TRAPPC6B: variants seen among roughly 807,000 people sequenced by gnomAD.
The protein encoded by TRAPPC6B is trafficking protein particle complex subunit 6B.
A neutral mutation model predicts 24.7 loss-of-function variants in TRAPPC6B; 27 were observed. The ratio of observed to expected loss-of-function variants is 1.09; its 90% confidence interval spans 0.81 to 1.51. The LOEUF (loss-of-function observed/expected upper bound fraction) is 1.51, where lower values mean the gene tolerates loss of function less well. TRAPPC6B is among the 40% of genes most tolerant of loss of function. The pLI is 0.00. For missense variants in TRAPPC6B, 212 were observed against 190.8 expected, an observed-to-expected ratio of 1.11 and a Z score of -0.66; for synonymous variants, 80 against 66.6, an observed-to-expected ratio of 1.20 and a Z score of -0.98.
chr14:39,153,407 C>CA (rs1268913693), intron 4 of TRAPPC6B, among the ~76,000 whole-genome samples: 1 of 151,626 alleles, frequency 6.6e-6, no homozygotes, highest in Non-Finnish European at 1.5e-5. Flanking sequence ...GTGAGGTGAT[C>CA]ACTTGAGCCC....
chr14:39,163,366 A>G (rs8021225), intron 1 of TRAPPC6B, among the ~76,000 whole-genome samples: 131,232 of 142,364 alleles, frequency 0.92, 60,762 homozygotes, highest in East Asian at 0.95. Context: ...GCGAGACTTC[A>G]TCACCAGAAA....
intron 4 of TRAPPC6B, 94 bp downstream of exon 4, chr14:39,154,117 T>C (rs2052948230): frequency 4.0e-6 from 3 of 755,662 alleles, no homozygotes; most frequent in African/African-American, 1.8e-5. Context: ...CCTTAAAACA[T>C]ATTTTTAATT....
Position 39,158,403 on chromosome 14 carries a change from C to CTAAAAAGATCAACT in TRAPPC6B, c.150-15_150-2dup, listed in dbSNP as rs1319190804. 6.6e-7 allele frequency: 1 copy of CTAAAAAGATCAACT among 1,517,798 alleles called. No individual in the cohort carries two copies. The highest frequency in any genetic ancestry group is 1.2e-5 in the South Asian group (1 of 83,536). The allele number at this position is 1,517,798 out of a possible 1,614,324, so 94.0% of individuals were successfully genotyped here. A position where few individuals can be genotyped will look rare whatever the true frequency, so the allele number is the denominator to read the frequency against. On this transcript the variant is annotated splice_acceptor_variant, in intron 2 of 5. Coordinates refer to ENST00000330149, the MANE Select transcript of TRAPPC6B (RefSeq NM_001079537.2). LOFTEE classifies it high-confidence loss of function. The stretch of plus-strand genomic sequence containing the variant: ...GAACCTTGCAGTATCTTTTGTAAAC[C>CTAAAAAGATCAACT]TAAAAAGATCAACTAGAAGTAATAC...
intron 3 of TRAPPC6B, chr14:39,157,399 C>A (rs951859132): frequency 3.0e-5 from 10 of 333,686 alleles, no homozygotes; most frequent in Non-Finnish European, 4.6e-5. Flanking sequence ...TAAGCAGAGG[C>A]TATTGGCCCG....
In TRAPPC6B at chr14:39,157,123, A is replaced by AAG. The variant is rs1566547615; in HGVS notation, c.267+1161_267+1162insCT. The AAG allele has an allele frequency of 3.6e-3, 464 of 129,942 alleles. 1 individual carries two copies. The highest frequency in any genetic ancestry group is 0.022 in the Middle Eastern group (8 of 372). The allele number at this position is 129,942 out of a possible 1,614,324, so 8.0% of individuals were successfully genotyped here. A position where few individuals can be genotyped will look rare whatever the true frequency, so the allele number is the denominator to read the frequency against. On this transcript the variant is annotated intron_variant, in intron 3 of 5. Transcript: ENST00000330149. Reference sequence around the variant, plus strand: ...CTCCATCTCAAAAAAAAAAAAAAAAAAAAGAAAGAAAGAAAGTGGTGAATC... The same window carrying AAG: ...CTCCATCTCAAAAAAAAAAAAAAAAAAGAAAGAAAGAAAGAAAGTGGTGAATC...
chr14:39,156,397 C>T (rs1410702544), intron 3 of TRAPPC6B, among the ~76,000 whole-genome samples: 2 of 152,032 alleles, frequency 1.3e-5, no homozygotes, highest in Non-Finnish European at 2.9e-5. Context: ...ATCAAAATTC[C>T]AAATCTACTC....
intron 1 of TRAPPC6B, among the ~76,000 whole-genome samples, chr14:39,167,855 T>C (rs2053123610): frequency 6.7e-6 from 1 of 149,728 alleles, no homozygotes; most frequent in Non-Finnish European, 1.5e-5. Context: ...TCATTTTATT[T>C]AGGATTAACC....
chr14:39,157,702 T>C (rs1456860368), intron 3 of TRAPPC6B: 3 of 223,356 alleles, frequency 1.3e-5, no homozygotes, highest in Admixed American at 5.3e-5. Flanking sequence ...CAATGGAGCT[T>C]AGGTTCAGCT....
chr14:39,166,856 C>T (rs2053113489), intron 1 of TRAPPC6B, among the ~76,000 whole-genome samples: 1 of 152,134 alleles, frequency 6.6e-6, no homozygotes, highest in African/African-American at 2.4e-5. Flanking sequence ...GCACCCATTC[C>T]CCAGCCCCCA....
intron 3 of TRAPPC6B, chr14:39,157,744 C>A: frequency 4.3e-6 from 1 of 234,894 alleles, no homozygotes; most frequent in Non-Finnish European, 8.5e-6. Flanking sequence ...TTACGACAGA[C>A]AAAACGAAAT....
intron 1 of TRAPPC6B, among the ~76,000 whole-genome samples, chr14:39,160,216 C>T (rs960432059): frequency 2.1e-4 from 32 of 152,138 alleles, no homozygotes; most frequent in African/African-American, 7.0e-4. Flanking sequence ...TAACCCAACA[C>T]CATCTTAACT....
chr14:39,165,194 C>T (rs575319292), intron 1 of TRAPPC6B, among the ~76,000 whole-genome samples: 49 of 152,158 alleles, frequency 3.2e-4, no homozygotes, highest in South Asian at 2.3e-3. Flanking sequence ...TACAGGCGAC[C>T]GCCACCACGC....
chr14:39,152,512 T>A (rs1179252354), intron 4 of TRAPPC6B, among the ~76,000 whole-genome samples: 1 of 152,150 alleles, frequency 6.6e-6, no homozygotes, highest in Non-Finnish European at 1.5e-5. Context: ...ATTACCCACA[T>A]CTATACTGCA....
intron 3 of TRAPPC6B, among the ~76,000 whole-genome samples, chr14:39,155,442 T>C (rs917974450): frequency 6.6e-6 from 1 of 152,092 alleles, no homozygotes; most frequent in Non-Finnish European, 1.5e-5. Flanking sequence ...GGTTTCTCCA[T>C]GTTGGCAGGG....
At chr14:39,154,467 T>C (rs2052953035) in intron 3 of TRAPPC6B, among the ~76,000 whole-genome samples, 173 bp from the exon 4 acceptor site, 1 of 152,168 alleles carries the variant, frequency 6.6e-6, no homozygotes, top group African/African-American at 2.4e-5. Context: ...TCGCCCAGGG[T>C]AGAATGCAGT....
At chr14:39,152,147 A>T (rs2052923179) in intron 4 of TRAPPC6B, among the ~76,000 whole-genome samples, 1 of 152,204 alleles carries the variant, frequency 6.6e-6, no homozygotes, top group Non-Finnish European at 1.5e-5. Context: ...CAGTAAAGGT[A>T]GTTTGTGTCT....
chr14:39,165,789 A>G (rs2053101955), intron 1 of TRAPPC6B, among the ~76,000 whole-genome samples: 1 of 149,338 alleles, frequency 6.7e-6, no homozygotes, highest in Non-Finnish European at 1.5e-5. Context: ...AGAGCAAGAC[A>G]TTGTCTCTCT....
In TRAPPC6B at chr14:39,158,656, A is replaced by G. The variant is rs182486206; in HGVS notation, c.150-254T>C. On this transcript the variant is annotated intron_variant, in intron 2 of 5. Coordinates refer to ENST00000330149, the MANE Select transcript of TRAPPC6B (RefSeq NM_001079537.2). The stretch of plus-strand genomic sequence containing the variant: ...CCCACCTCAGCCTCCCTAGCAGCTG[A>G]GACCACAGGCACATGTCACCATGCT... The G allele has an allele frequency of 2.3e-3, 826 of 354,770 alleles. 2 individuals are homozygous for G. Among genetic ancestry groups the G allele is most frequent in the Non-Finnish European group, 3.4e-3 (664 of 197,878 alleles). The allele number at this position is 354,770 out of a possible 1,614,324, so 22.0% of individuals were successfully genotyped here.
In TRAPPC6B at chr14:39,149,083, GAATTT is replaced by G. The variant is rs1371272785; in HGVS notation, c.*1262_*1266del. 4 of 251,438 alleles carry G rather than the reference GAATTT, an allele frequency of 1.6e-5. No homozygotes were observed. The highest frequency in any genetic ancestry group is 8.8e-5 in the African/African-American group (4 of 45,368). The allele number at this position is 251,438 out of a possible 1,614,324, so 15.6% of individuals were successfully genotyped here. ...AACATCATTATAGGGCACATAACTA[GAATTT>G]AATAAATCAAGTTAAACAAATTATC... is the stretch of plus-strand genomic sequence containing the variant. On this transcript the variant is annotated 3_prime_UTR_variant, in exon 6 of 6. Coordinates refer to ENST00000330149, the MANE Select transcript of TRAPPC6B (RefSeq NM_001079537.2).
Sources: gnomAD v4.1 joint callset for allele counts (sites outside exome capture counted in the v4.1 genomes callset) on GRCh38, gnomAD v4.1.1 for gene constraint, MANE v1.5 for transcripts, NCBI Gene and HGNC (gene_info 2026-07-23, HGNC 2026-07-21) for gene names.